CEP250: variants seen among roughly 807,000 people sequenced by gnomAD.
CEP250 encodes centrosome-associated protein CEP250.
Under a neutral mutation model 315.7 loss-of-function variants are expected in CEP250, and 242 were observed. The observed-to-expected ratio is 0.77, with a 90% CI of 0.69 to 0.85. The LOEUF (loss-of-function observed/expected upper bound fraction) is 0.85. Among genes scored for constraint, CEP250 ranks in the 40% least tolerant of loss-of-function variants. CEP250 has a pLI of 0.00. For synonymous variants in CEP250, 1,088 were observed against 1,175.0 expected, an observed-to-expected ratio of 0.93 and a Z score of 1.51; for missense variants, 2,515 against 2,886.4, an observed-to-expected ratio of 0.87 and a Z score of 2.95.
intron 32 of CEP250, 24 bp from the exon 33 acceptor site, chr20:35,508,919 G>A: frequency 2.6e-6 from 4 of 1,544,732 alleles, no homozygotes; most frequent in Non-Finnish European, 3.5e-6. Context: ...GCCGAGCCCT[G>A]ATTTCTTATT....
chr20:35,480,216 T>C, intron 20 of CEP250, 71 bp downstream of exon 20: 6 of 1,449,130 alleles, frequency 4.1e-6, no homozygotes, highest in Non-Finnish European at 5.6e-6. Flanking sequence ...TTGGTCCAGT[T>C]ATTGCTGCTC....
chr20:35,455,385 G>A (rs1323135250), upstream of CEP250: 1 of 152,268 alleles, frequency 6.6e-6, no homozygotes, highest in East Asian at 1.9e-4. Context: ...GAGAGGGGCT[G>A]GGACGCGTCG....
rs775153416 is a variant in CEP250 at position 35,479,636 on chromosome 20, AACCTC to A, written c.2289-7_2289-3del. The A allele has an allele frequency of 6.2e-7, 1 of 1,614,008 alleles. No individual in the cohort carries two copies. The highest frequency in any genetic ancestry group is 1.7e-5 in the Admixed American group (1 of 60,008). On this transcript the variant is annotated splice_region_variant and splice_polypyrimidine_tract_variant and intron_variant, in intron 18 of 34. Transcript: ENST00000397527. ...GGGTAAGAAACTCTTCTGATTCCTG[AACCTC>A]ACAGCTCAGCCAAGGAGCTACTGGA...
chr20:35,506,229 G>C (rs1478197743), intron 30 of CEP250, among the ~76,000 whole-genome samples: 2 of 152,132 alleles, frequency 1.3e-5, no homozygotes, highest in African/African-American at 4.8e-5. Flanking sequence ...GGAGGGAGGA[G>C]CCTGTTGGCA....
In CEP250 at chr20:35,511,602, C is replaced by T. The variant is rs1167410872; in HGVS notation, c.7305C>T (p.Ser2435=). Residue 2435 remains serine (S), a synonymous_variant, in exon 35 of 35, where the codon AGC becomes AGT. Transcript: ENST00000397527. ...CAGTCCTGCTACACCCCAGCCCCAG[C>T]ACTACCCAAGCCGCCTCCAGGTAGC... ...PGPVLLHPSP[S]TTQAASR is the part of the protein sequence containing the mutation. 1 of 1,612,356 alleles carries T rather than the reference C, an allele frequency of 6.2e-7. No homozygotes were observed. Among genetic ancestry groups the T allele is most frequent in the Non-Finnish European group, 8.5e-7 (1 of 1,179,330 alleles).
intron 34 of CEP250, 54 bp from the exon 35 acceptor site, chr20:35,511,309 C>T: frequency 6.8e-7 from 1 of 1,472,088 alleles, no homozygotes; most frequent in East Asian, 2.3e-5. Context: ...AGAGCTGGGA[C>T]AACTTCAGGG....
At chr20:35,484,523 C>T (rs923954094) in intron 20 of CEP250, among the ~76,000 whole-genome samples, 30 of 152,104 alleles carry the variant, frequency 2.0e-4, no homozygotes, top group Non-Finnish European at 3.4e-4. Flanking sequence ...CCACATCCCT[C>T]CAGTTTCTCT....
At chr20:35,498,504 C>A in intron 26 of CEP250, 91 bp from the exon 27 acceptor site, 1 of 1,483,826 alleles carries the variant, frequency 6.7e-7, no homozygotes, top group Non-Finnish European at 9.1e-7. Context: ...AGAGGAGGGA[C>A]CAGTTGGAAG....
chr20:35,468,890 C>T (rs1343496868), intron 9 of CEP250, among the ~76,000 whole-genome samples: 5 of 151,968 alleles, frequency 3.3e-5, no homozygotes, highest in Non-Finnish European at 7.4e-5. Context: ...TTTCCCAGGC[C>T]GGTCTGGAAC....
chr20:35,507,759 C>G lies in CEP250; in HGVS notation c.6658C>G (p.Arg2220Gly). The G allele has an allele frequency of 6.4e-7, 1 of 1,555,420 alleles. No individual in the cohort carries two copies. Among genetic ancestry groups the G allele is most frequent in the Non-Finnish European group, 8.7e-7 (1 of 1,149,010 alleles). ...RLQDELELTR[R>G]ALEKERLHSP... ...CTAGGATGAACTGGAGCTCACCAGACGGGCTCTGGAGAAGGAGCGGCTACA... is the reference window on the plus strand; with the variant it reads ...CTAGGATGAACTGGAGCTCACCAGAGGGGCTCTGGAGAAGGAGCGGCTACA... Residue 2220 changes from arginine to glycine, a missense_variant, in exon 31 of 35, where the codon CGG becomes GGG. Physicochemically the swap from Arg to Gly is moderately radical, Grantham distance 125. Transcript: ENST00000397527.
chr20:35,490,337 AC>A (rs2063650428), intron 20 of CEP250, among the ~76,000 whole-genome samples: 1 of 152,152 alleles, frequency 6.6e-6, no homozygotes, highest in African/African-American at 2.4e-5. Flanking sequence ...AAATAGAAAT[AC>A]ATTTTAAAAC....
At position 35,491,918 on chromosome 20, in the gene CEP250, A is replaced by T. The variant is rs911506285; in HGVS notation, c.2889+572A>T. 1.9e-4 allele frequency among the ~76,000 whole-genome samples: 29 copies of T among 149,572 alleles called. No individual in the cohort carries two copies. The East Asian group carries it at 2.6e-3, about 13-fold the overall frequency. On this transcript the variant is annotated intron_variant, in intron 22 of 34. Coordinates refer to ENST00000397527, the MANE Select transcript of CEP250 (RefSeq NM_007186.6). ...CTCAAAAAAAAAAAAAAAAAAAAAA[A>T]GGTGTGGCACAGCAGTCAGCATAAC...
chr20:35,475,733 C>G, intron 15 of CEP250, 87 bp downstream of exon 15: 1 of 1,392,572 alleles, frequency 7.2e-7, no homozygotes, highest in Non-Finnish European at 9.9e-7. Flanking sequence ...ACCTTCAAGC[C>G]AGGATCCCTC....
intron 26 of CEP250, among the ~76,000 whole-genome samples, 174 bp from the exon 27 acceptor site, chr20:35,498,421 A>G (rs2063906378): frequency 6.6e-6 from 1 of 152,208 alleles, no homozygotes; most frequent in Non-Finnish European, 1.5e-5. Context: ...TCTAGCACCC[A>G]CCATAGTGCC....
chr20:35,515,870 A>G lies in CEP250; in HGVS notation c.*4244A>G, dbSNP rs1018946004. ...GCAGGCAAGGGAGGATGAAGGGCAA[A>G]AACATGGGGTCCTGAGGCCCTTTTA... On this transcript the variant is annotated 3_prime_UTR_variant, in exon 35 of 35. Coordinates refer to ENST00000397527, the MANE Select transcript of CEP250 (RefSeq NM_007186.6). The G allele has an allele frequency of 5.3e-5, 8 of 152,220 alleles. No homozygotes were observed. Among genetic ancestry groups the G allele is most frequent in the African/African-American group, 1.9e-4 (8 of 41,448 alleles). 9.4% of individuals were successfully genotyped at this position (152,220 alleles called of 1,614,324 possible).
At position 35,473,505 on chromosome 20, in the gene CEP250, G is replaced by T. The variant is rs777237726; in HGVS notation, c.1341G>T (p.Leu447=). The T allele has an allele frequency of 3.1e-6, 5 of 1,614,152 alleles. No individual in the cohort carries two copies. The highest frequency in any genetic ancestry group is 1.7e-4 in the Middle Eastern group (1 of 6,060). The change falls in exon 13 of 35, where the codon CTG becomes CTT. Residue 447 remains leucine, a synonymous_variant. Transcript: ENST00000397527. ...AGCTCACTGGGGAGCGGGACACTCTGGCAGGGCAGACTGTGGACCTCCAGG... is the reference window on the plus strand; with the variant it reads ...AGCTCACTGGGGAGCGGGACACTCTTGCAGGGCAGACTGTGGACCTCCAGG... ...LQKLTGERDT[L]AGQTVDLQGE... is the part of the protein sequence containing the mutation.
chr20:35,483,486 G>A (rs745945577), intron 20 of CEP250, among the ~76,000 whole-genome samples: 43 of 151,438 alleles, frequency 2.8e-4, no homozygotes, highest in South Asian at 2.7e-3. Context: ...CCGACGAACT[G>A]CAACTACAGG....
intron 23 of CEP250, chr20:35,494,245 A>T (rs933341639): frequency 2.9e-6 from 1 of 348,616 alleles, no homozygotes; most frequent in Non-Finnish European, 5.4e-6. Flanking sequence ...AAGTGTTGAG[A>T]TTACAGGTGT....
Position 35,479,366 on chromosome 20 carries a change from C to A in CEP250, c.2230C>A (p.Arg744=). ...LVREKAALEV[R]LQAVERDRQD... ...ACGAGAGAAAGCGGCTCTAGAGGTG[C>A]GGCTGCAGGCCGTGGAGCGTGACCG... The change falls in exon 18 of 35, where the codon CGG becomes AGG. Residue 744 remains arginine (R), a synonymous_variant. Coordinates refer to ENST00000397527, the MANE Select transcript of CEP250 (RefSeq NM_007186.6). The A allele has an allele frequency of 6.2e-7, 1 of 1,614,158 alleles. No individual in the cohort carries two copies. Among genetic ancestry groups the A allele is most frequent in the Non-Finnish European group, 8.5e-7 (1 of 1,180,026 alleles).
Sources: gnomAD v4.1 joint callset for allele counts (sites outside exome capture counted in the v4.1 genomes callset) on GRCh38, gnomAD v4.1.1 for gene constraint, MANE v1.5 for transcripts, NCBI Gene and HGNC (gene_info 2026-07-23, HGNC 2026-07-21) for gene names.